Variants in GALK2 observed in about 807,000 individuals in gnomAD.
GALK2 encodes the protein N-acetylgalactosamine kinase.
In GALK2, 36 loss-of-function variants were observed where a neutral mutation model predicts 52.4. The observed-to-expected ratio is 0.69, with a 90% CI of 0.53 to 0.91. The LOEUF (loss-of-function observed/expected upper bound fraction) is 0.91. GALK2 is among the 40% of genes least tolerant of loss of function. The probability of loss-of-function intolerance (pLI) is 0.00; values close to 1 mark genes in which losing one functional copy is unlikely to be tolerated. For missense variants in GALK2, 579 were observed against 559.1 expected (o/e 1.04, Z -0.36); for synonymous variants, 176 against 199.1 (o/e 0.88, Z 0.98).
chr15:49,207,405 G>C (rs2088387599), intron 2 of GALK2, among the ~76,000 whole-genome samples: 1 of 152,114 alleles, frequency 6.6e-6, no homozygotes. Flanking sequence ...CTATCTTGTG[G>C]AATACTGTGA....
At position 49,283,608 on chromosome 15, in the gene GALK2, A is replaced by G. The variant is rs1166229529; in HGVS notation, c.646A>G (p.Lys216Glu). The G allele has an allele frequency of 1.2e-6, 2 of 1,613,986 alleles. No individual in the cohort carries two copies. The highest frequency in any genetic ancestry group is 1.1e-5 in the South Asian group (1 of 91,040). Residue 216 changes from lysine (K) to glutamate (E), a missense_variant, in exon 7 of 10, where the codon AAA becomes GAA. Coordinates refer to ENST00000560031, the MANE Select transcript of GALK2 (RefSeq NM_002044.4). ...EFSPLRATDV[K>E]LPSGAVFVIA... is the part of the protein sequence containing the mutation. The stretch of plus-strand genomic sequence containing the variant: ...TAGTCCTCTGAGGGCAACCGATGTA[A>G]AACTCCCAAGTGGAGCAGTGTTTGT...
At chr15:49,215,034 A>G (rs938831510) in intron 2 of GALK2, among the ~76,000 whole-genome samples, 5 of 152,220 alleles carry the variant, frequency 3.3e-5, no homozygotes, top group Admixed American at 2.6e-4. Context: ...CAACACTTTG[A>G]ATATGTCATC....
chr15:49,318,802 T>A (rs534522554), intron 8 of GALK2, among the ~76,000 whole-genome samples: 1 of 152,332 alleles, frequency 6.6e-6, no homozygotes, highest in African/African-American at 2.4e-5. Context: ...GCATCCCTGA[T>A]CTGTTTGGCT....
chr15:49,274,032 A>G (rs945409725), intron 5 of GALK2, among the ~76,000 whole-genome samples: 7 of 152,204 alleles, frequency 4.6e-5, no homozygotes, highest in African/African-American at 1.7e-4. Context: ...ACAGGGAGAG[A>G]CATCACTTTA....
intron 8 of GALK2, among the ~76,000 whole-genome samples, chr15:49,299,747 C>CTTTCTTTCTTTCTTTCTTTTTTTTT (rs1567037367): frequency 1.5e-4 from 18 of 121,578 alleles, no homozygotes; most frequent in African/African-American, 5.2e-4. Context: ...TTCTTTCTTT[C>CTTTCTTTCTTTCTTTCTTTTTTTTT]TTTCTTTCTT....
Position 49,292,455 on chromosome 15 carries a change from T to C in GALK2, c.885T>C (p.Tyr295=). Residue 295 remains tyrosine (Y), a synonymous_variant, in exon 8 of 10, where the codon TAT becomes TAC. Coordinates refer to ENST00000560031, the MANE Select transcript of GALK2 (RefSeq NM_002044.4). ...AAGATGCCCTTCATCCTGAACCCTA[T>C]AACCCTGAGGAGATCTGCAGGTGTC... The part of the protein sequence containing the change: ...VTEDALHPEP[Y]NPEEICRCLG... The C allele has an allele frequency of 6.2e-7, 1 of 1,614,036 alleles. No homozygotes were observed. The highest frequency in any genetic ancestry group is 2.2e-5 in the East Asian group (1 of 44,868).
chr15:49,234,844 GCAACCT>G, intron 3 of GALK2, among the ~76,000 whole-genome samples: 1 of 151,578 alleles, frequency 6.6e-6, no homozygotes, highest in South Asian at 2.1e-4. Context: ...TCAGCTCACT[GCAACCT>G]CTACCTCCCG....
At chr15:49,310,800 A>G (rs982556352) in intron 8 of GALK2, among the ~76,000 whole-genome samples, 3 of 152,090 alleles carry the variant, frequency 2.0e-5, no homozygotes, top group Non-Finnish European at 4.4e-5. Context: ...TCCTTGTTAG[A>G]TGAATAGTTT....
intron 3 of GALK2, among the ~76,000 whole-genome samples, chr15:49,347,984 A>G (rs2041754123): frequency 7.1e-6 from 1 of 140,044 alleles, no homozygotes; most frequent in African/African-American, 2.7e-5. Flanking sequence ...GCACCATTGC[A>G]CTCCAGCCTG....
intron 6 of GALK2, 75 bp downstream of exon 6, chr15:49,282,160 A>G: frequency 1.9e-6 from 2 of 1,041,376 alleles, no homozygotes. Flanking sequence ...AGGCCCTGAG[A>G]GCCCCAGGAT....
At chr15:49,208,018 C>T (rs569847554) in intron 2 of GALK2, among the ~76,000 whole-genome samples, 28 of 152,302 alleles carry the variant, frequency 1.8e-4, no homozygotes, top group African/African-American at 6.7e-4. Context: ...GGTGGTCCAC[C>T]CGCCTCAGCC....
At chr15:49,301,840 T>TCATG (rs1314222575) in intron 8 of GALK2, among the ~76,000 whole-genome samples, 1 of 152,064 alleles carries the variant, frequency 6.6e-6, no homozygotes, top group Non-Finnish European at 1.5e-5. Flanking sequence ...ATCTCCAGAG[T>TCATG]CATGGGTGAT....
intron 4 of GALK2, among the ~76,000 whole-genome samples, chr15:49,237,667 G>A (rs1026385319): frequency 1.3e-5 from 2 of 151,938 alleles, no homozygotes; most frequent in Non-Finnish European, 2.9e-5. Flanking sequence ...AGTAGAGACG[G>A]GGTTTCACTA....
intron 8 of GALK2, among the ~76,000 whole-genome samples, chr15:49,295,988 T>C (rs866754148): frequency 5.0e-4 from 76 of 152,184 alleles, no homozygotes; most frequent in African/African-American, 1.8e-3. Flanking sequence ...TCAAACAACA[T>C]GTATTGCTCT....
At chr15:49,341,133 T>C (rs557221397) in intron 3 of GALK2, among the ~76,000 whole-genome samples, 2 of 152,334 alleles carry the variant, frequency 1.3e-5, no homozygotes, top group East Asian at 3.9e-4. Flanking sequence ...GTGTCTGTTG[T>C]TGTACCAGTA....
At chr15:49,285,717 CTA>C (rs1224063338) in intron 7 of GALK2, among the ~76,000 whole-genome samples, 1 of 152,172 alleles carries the variant, frequency 6.6e-6, no homozygotes. Context: ...CACTTATTGA[CTA>C]TCACATTAGC....
In GALK2 at chr15:49,353,177, G is replaced by A. The variant is rs1236941486; in HGVS notation, c.427-14314G>A. On this transcript the variant is annotated intron_variant, in intron 3 of 3. Coordinates refer to the GALK2 transcript ENST00000558399. ...CAAATTCCTCCAACAAAATCATAGG[G>A]ACTTGAAATTTATTTAGTCCAATTC... Among the ~76,000 whole-genome samples the A allele has an allele frequency of 2.0e-5, 3 of 152,178 alleles. No homozygotes were observed. In the East Asian group the frequency reaches 5.8e-4, roughly 29 times the overall value.
intron 8 of GALK2, among the ~76,000 whole-genome samples, chr15:49,310,528 C>T (rs1468118643): frequency 6.6e-6 from 1 of 152,160 alleles, no homozygotes; most frequent in Non-Finnish European, 1.5e-5. Flanking sequence ...TCCCTTTTCT[C>T]TGCATCCTCA....
At chr15:49,235,053 C>G (rs1026102177) in intron 3 of GALK2, among the ~76,000 whole-genome samples, 2 of 152,206 alleles carry the variant, frequency 1.3e-5, no homozygotes, top group Admixed American at 1.3e-4. Flanking sequence ...GTGTGAGCTG[C>G]TGCGCCTGGC....
Sources: gnomAD v4.1 joint callset for allele counts (sites outside exome capture counted in the v4.1 genomes callset) on GRCh38, gnomAD v4.1.1 for gene constraint, MANE v1.5 for transcripts, NCBI Gene and HGNC (gene_info 2026-07-23, HGNC 2026-07-21) for gene names.